Variants in ZSWIM8 observed in about 807,000 individuals in gnomAD.
ZSWIM8 encodes zinc finger SWIM-type containing 8.
In ZSWIM8, 27 loss-of-function variants were observed where a neutral mutation model predicts 173.7. The observed-to-expected ratio is 0.16, with a 90% CI of 0.11 to 0.21. The LOEUF (loss-of-function observed/expected upper bound fraction) is 0.21. ZSWIM8 is among the 10% of genes least tolerant of loss of function. The probability of loss-of-function intolerance (pLI) is 1.00; values close to 1 mark genes in which losing one functional copy is unlikely to be tolerated. For missense variants in ZSWIM8, 1,627 were observed against 2,428.8 expected, an observed-to-expected ratio of 0.67 and a Z score of 6.94; for synonymous variants, 958 against 962.0, an observed-to-expected ratio of 1.00 and a Z score of 0.08.
Position 73,789,322 on chromosome 10 carries a change from C to T in ZSWIM8, c.458-45C>T. 1 of 1,559,172 alleles carries T rather than the reference C, an allele frequency of 6.4e-7. No individual in the cohort carries two copies. The highest frequency in any genetic ancestry group is 1.2e-5 in the South Asian group (1 of 82,292). ...AGGGCCAGGGTCAAGGGCAGAGACC[C>T]AGGTCCTGACAGCACTCCCTGACCA... On this transcript the variant is annotated intron_variant, in intron 3 of 25. Coordinates refer to ENST00000604729, the MANE Select transcript of ZSWIM8 (RefSeq NM_001367799.1). The surrounding 1 kb of genome is among the most constrained non-coding windows in gnomAD (Gnocchi z 6.8).
At chr10:73,799,885 C>A in intron 21 of ZSWIM8, 126 bp from the exon 22 acceptor site, 3 of 971,122 alleles carry the variant, frequency 3.1e-6, no homozygotes, top group South Asian at 1.6e-5. Context: ...TGCACTCCAG[C>A]CTGGAGGACA....
At chr10:73,793,394 C>T (rs949392128) in intron 10 of ZSWIM8, among the ~76,000 whole-genome samples, 194 bp from the exon 11 acceptor site, 1 of 152,192 alleles carries the variant, frequency 6.6e-6, no homozygotes, top group Non-Finnish European at 1.5e-5. Flanking sequence ...TCCCCTTGAC[C>T]TTTCCCTGTA....
chr10:73,793,584 C>A lies in ZSWIM8; in HGVS notation c.2314-4C>A, dbSNP rs1351528196. On this transcript the variant is annotated splice_region_variant and splice_polypyrimidine_tract_variant and intron_variant, in intron 10 of 25. Transcript: ENST00000604729. ...ACCTGTCTGGTCCCATGTCCTCCTT[C>A]CAGGTACTGTTTGCCTGTGCTGAGG... is the stretch of plus-strand genomic sequence containing the variant. The A allele has an allele frequency of 1.0e-5, 16 of 1,582,740 alleles. No homozygotes were observed. The highest frequency in any genetic ancestry group is 1.4e-5 in the African/African-American group (1 of 74,024).
At chr10:73,798,167 T>G in intron 19 of ZSWIM8, 63 bp from the exon 20 acceptor site, 1 of 1,597,396 alleles carries the variant, frequency 6.3e-7, no homozygotes, top group Non-Finnish European at 8.6e-7. Context: ...AAAAAGACAT[T>G]ATTCTCACAC....
chr10:73,800,682 A>G lies in ZSWIM8; in HGVS notation c.5045A>G (p.Asp1682Gly), dbSNP rs1226642692. 1 of 1,613,292 alleles carries G rather than the reference A, an allele frequency of 6.2e-7. No homozygotes were observed. Among genetic ancestry groups the G allele is most frequent in the Non-Finnish European group, 8.5e-7 (1 of 1,179,718 alleles). The change falls in exon 24 of 26, where the codon GAT becomes GGT. Residue 1682 changes from aspartate (D) to glycine (G), a missense_variant. This residue lies in a region of ZSWIM8 where 30 missense variants were observed against 20.9 expected (regional missense o/e 1.44). Transcript: ENST00000604729. The surrounding 1 kb of genome is among the most constrained non-coding windows in gnomAD (Gnocchi z 4.1). ...ATGCTGGGTCGCCGGGCACACAACG[A>G]TCACCCCAACAACTTCTCCCGCTCC... Reference protein sequence around the residue: ...LEMLGRRAHNDHPNNFSRSPP... With the variant: ...LEMLGRRAHNGHPNNFSRSPP...
Position 73,794,013 on chromosome 10 carries a change from A to G in ZSWIM8, c.2594A>G (p.Gln865Arg). 1 of 1,613,472 alleles carries G rather than the reference A, an allele frequency of 6.2e-7. No homozygotes were observed. The highest frequency in any genetic ancestry group is 8.5e-7 in the Non-Finnish European group (1 of 1,179,634). ...GTTGGCATGTTTGCCTTGGAGCTAC[A>G]GAGGCCTCCAGCTTCTACCAAGGCC... ...FRVGMFALELQRPPASTKALE... is the reference protein window; with the variant it reads ...FRVGMFALELRRPPASTKALE... The change falls in exon 12 of 26, where the codon CAG becomes CGG. Residue 865 changes from glutamine (Q) to arginine (R), a missense_variant. Gln to Arg is a conservative substitution (Grantham distance 43, BLOSUM62 1). Around this residue, in one of 18 missense-constraint regions of ZSWIM8, gnomAD observed 169 missense variants for 235.3 expected, o/e 0.72. Transcript: ENST00000604729.
rs1308375254 is a variant in ZSWIM8 at position 73,791,961 on chromosome 10, C to G, written c.1422C>G (p.Gly474=). 2 of 1,551,222 alleles carry G rather than the reference C, an allele frequency of 1.3e-6. No individual in the cohort carries two copies. Among genetic ancestry groups the G allele is most frequent in the Non-Finnish European group, 1.7e-6 (2 of 1,146,878 alleles). ...AGACGCTGGAGCGGCTCTTCCCCGG[C>G]TTCCGGCCAGCGGTGGAGGCCTGCT... ...HKKTLERLFP[G]FRPAVEACYF... is the part of the protein sequence containing the mutation. Residue 474 remains glycine, a synonymous_variant, in exon 10 of 26, where the codon GGC becomes GGG. Coordinates refer to ENST00000604729, the MANE Select transcript of ZSWIM8 (RefSeq NM_001367799.1). The surrounding 1 kb of genome is among the most constrained non-coding windows in gnomAD (Gnocchi z 6.0).
Position 73,792,837 on chromosome 10 carries a change from G to A in ZSWIM8, c.2298G>A (p.Gln766=). 1 of 1,572,508 alleles carries A rather than the reference G, an allele frequency of 6.4e-7. No homozygotes were observed. Among genetic ancestry groups the A allele is most frequent in the South Asian group, 1.1e-5 (1 of 87,084 alleles). Residue 766 remains glutamine (Q), a synonymous_variant, in exon 10 of 26, where the codon CAG becomes CAA. Coordinates refer to ENST00000604729, the MANE Select transcript of ZSWIM8 (RefSeq NM_001367799.1). The surrounding 1 kb of genome is among the most constrained non-coding windows in gnomAD (Gnocchi z 4.3). ...DLFAGLKPLE[Q]ESRMEVLFAC... is the part of the protein sequence containing the mutation. ...TTGCTGGGCTGAAGCCACTGGAACA[G>A]GAGAGTCGCATGGAGGTGAGGGGAT...
intron 14 of ZSWIM8, 35 bp from the exon 15 acceptor site, chr10:73,795,504 T>C (rs1341503812): frequency 1.9e-6 from 3 of 1,611,846 alleles, no homozygotes; most frequent in Non-Finnish European, 2.5e-6. Flanking sequence ...GAATTATGAC[T>C]ACTCTCAATC....
chr10:73,786,215 C>T (rs748277882), intron 1 of ZSWIM8, 129 bp downstream of exon 1: 1 of 1,081,812 alleles, frequency 9.2e-7, no homozygotes, highest in Non-Finnish European at 1.3e-6. Context: ...GAGCTGTCCC[C>T]GGCCGGGAGC....
chr10:73,801,576 TCACACA>T lies in ZSWIM8; in HGVS notation c.*58_*63del. 4 of 1,588,904 alleles carry T rather than the reference TCACACA, an allele frequency of 2.5e-6. No homozygotes were observed. The highest frequency in any genetic ancestry group is 3.4e-6 in the Non-Finnish European group (4 of 1,169,952). On this transcript the variant is annotated 3_prime_UTR_variant, in exon 26 of 26. Coordinates refer to ENST00000604729, the MANE Select transcript of ZSWIM8 (RefSeq NM_001367799.1). This position sits in a 1 kb window ranked among gnomAD's most constrained non-coding sequence, Gnocchi z 4.9. ...CCAGGCCTGTGGCTATGGGGGCCCC[TCACACA>T]GGGGGAGTGAAACTTGGCTGGACAG...
chr10:73,792,677 C>T lies in ZSWIM8; in HGVS notation c.2138C>T (p.Pro713Leu), dbSNP rs761837522. Residue 713 changes from proline to leucine, a missense_variant, in exon 10 of 26, where the codon CCC becomes CTC. Physicochemically the swap from Pro to Leu is moderately conservative, Grantham distance 98 (BLOSUM62 -3). This residue lies in a region of ZSWIM8 where 383 missense variants were observed against 394.8 expected (regional missense o/e 0.97). Coordinates refer to ENST00000604729, the MANE Select transcript of ZSWIM8 (RefSeq NM_001367799.1). The surrounding 1 kb of genome is among the most constrained non-coding windows in gnomAD (Gnocchi z 4.3). ...PSTDESGNGL[P>L]KTKEAAPAVG... The stretch of plus-strand genomic sequence containing the variant: ...ACAGATGAGAGTGGCAATGGGCTTC[C>T]CAAAACCAAAGAGGCAGCCCCTGCA... 26 of 1,614,010 alleles carry T rather than the reference C, an allele frequency of 1.6e-5. No homozygotes were observed. The highest frequency in any genetic ancestry group is 2.2e-5 in the East Asian group (1 of 44,880).
rs753398957 is a variant in ZSWIM8 at position 73,789,582 on chromosome 10, T to TC, written c.630+50dup. The TC allele has an allele frequency of 5.0e-6, 8 of 1,590,126 alleles. No individual in the cohort carries two copies. The highest frequency in any genetic ancestry group is 2.7e-5 in the African/African-American group (2 of 74,160). ...TATCCCGGCCCTATCCTACACTCCA[T>TC]CCCCCCCTTCTCTGCTGCATGCCTG... On this transcript the variant is annotated intron_variant, in intron 4 of 25. Coordinates refer to ENST00000604729, the MANE Select transcript of ZSWIM8 (RefSeq NM_001367799.1). This position sits in a 1 kb window ranked among gnomAD's most constrained non-coding sequence, Gnocchi z 6.8.
chr10:73,800,376 C>G lies in ZSWIM8; in HGVS notation c.4906C>G (p.Leu1636Val). Residue 1636 changes from leucine (L) to valine (V), a missense_variant, in exon 23 of 26, where the codon CTG becomes GTG. Leu to Val is a conservative substitution (Grantham distance 32). This residue lies in a region of ZSWIM8 where 275 missense variants were observed against 290.1 expected (regional missense o/e 0.95). Transcript: ENST00000604729. This position sits in a 1 kb window ranked among gnomAD's most constrained non-coding sequence, Gnocchi z 4.1. ...LPALTTQPSP[L>V]VSGGFPPPEE... ...TGCCCTGACCACACAGCCCAGCCCT[C>G]TGGTGAGCGGAGGTTTTCCACCGCC... 1 of 1,613,978 alleles carries G rather than the reference C, an allele frequency of 6.2e-7. No individual in the cohort carries two copies. The highest frequency in any genetic ancestry group is 1.7e-5 in the Admixed American group (1 of 60,018).
intron 7 of ZSWIM8, among the ~76,000 whole-genome samples, 190 bp downstream of exon 7, chr10:73,790,482 C>T (rs1029957318): frequency 6.6e-6 from 1 of 152,222 alleles, no homozygotes; most frequent in Non-Finnish European, 1.5e-5. Flanking sequence ...ACAGAGTGGT[C>T]TGCTCTTACC....
rs2083905220 is a variant in ZSWIM8, at chr10:73,800,698, C to T, written c.5061C>T (p.Phe1687=). The change falls in exon 24 of 26, where the codon TTC becomes TTT. Residue 1687 remains phenylalanine (F), a synonymous_variant. Coordinates refer to ENST00000604729, the MANE Select transcript of ZSWIM8 (RefSeq NM_001367799.1). The surrounding 1 kb of genome is among the most constrained non-coding windows in gnomAD (Gnocchi z 4.1). ...CACACAACGATCACCCCAACAACTT[C>T]TCCCGCTCCCCCCCCTACACTGATG... The part of the protein sequence containing the change: ...RRAHNDHPNN[F]SRSPPYTDDV... 3 of 1,613,700 alleles carry T rather than the reference C, an allele frequency of 1.9e-6. No homozygotes were observed. The highest frequency in any genetic ancestry group is 1.3e-5 in the African/African-American group (1 of 74,850).
intron 1 of ZSWIM8, 67 bp from the exon 2 acceptor site, chr10:73,788,603 G>C: frequency 7.0e-6 from 11 of 1,574,020 alleles, no homozygotes; most frequent in Non-Finnish European, 8.6e-6. Context: ...TGGCATGAGT[G>C]CCAAGAGACC....
intron 15 of ZSWIM8, chr10:73,796,428 C>T: frequency 2.4e-6 from 1 of 413,054 alleles, no homozygotes. Context: ...TTGGGGACAT[C>T]TCATAAAGAA....
At chr10:73,796,601 A>G (rs2083669608) in intron 15 of ZSWIM8, 173 bp from the exon 16 acceptor site, 1 of 825,356 alleles carries the variant, frequency 1.2e-6, no homozygotes, top group Non-Finnish European at 1.9e-6. Flanking sequence ...TTGGGGTTAA[A>G]TAAGTTACAA....
Sources: gnomAD v4.1 joint callset for allele counts (sites outside exome capture counted in the v4.1 genomes callset) on GRCh38, gnomAD v4.1.1 for gene constraint, gnomAD v4.1.1 regional missense constraint, Gnocchi (gnomAD v3.1) non-coding constraint, MANE v1.5 for transcripts, NCBI Gene and HGNC (gene_info 2026-07-23, HGNC 2026-07-21) for gene names.